KLF8: variants seen among roughly 807,000 people sequenced by gnomAD.
KLF8 encodes KLF transcription factor 8, also known as Krueppel-like factor 8.
In KLF8, 10 loss-of-function variants were observed where a neutral mutation model predicts 18.2. The ratio of observed to expected loss-of-function variants is 0.55; its 90% CI spans 0.34 to 0.93. The LOEUF is 0.93. Among genes scored for constraint, KLF8 ranks in the 40% least tolerant of loss-of-function variants. The pLI, the probability that KLF8 is intolerant of heterozygous loss-of-function variation, is 0.02. For synonymous variants in KLF8, 109 were observed against 97.3 expected, an observed-to-expected ratio of 1.12 and a Z score of -0.71; for missense variants, 264 against 277.9, an observed-to-expected ratio of 0.95 and a Z score of 0.36.
At chrX:55,934,533 G>C in the KLF8 span, among the ~76,000 whole-genome samples, 1 of 112,204 alleles carries the variant, frequency 8.9e-6, no homozygotes, top group Non-Finnish European at 1.9e-5. Flanking sequence ...CTTTGAATCA[G>C]TGAAAGTTAT....
intron 1 of KLF8, among the ~76,000 whole-genome samples, chrX:56,243,638 C>T (rs934615057): frequency 2.9e-5 from 3 of 102,004 alleles, no homozygotes; most frequent in East Asian, 6.1e-4. Flanking sequence ...TCCTGTGAAG[C>T]GATTCTCTTG....
chrX:56,126,469 T>C, the KLF8 span, among the ~76,000 whole-genome samples: 1 of 111,745 alleles, frequency 8.9e-6, no homozygotes, highest in Non-Finnish European at 1.9e-5. Flanking sequence ...AGTGATTTTG[T>C]TTTAACCTAA....
the KLF8 span, among the ~76,000 whole-genome samples, chrX:55,950,303 C>T: frequency 4.9e-4 from 54 of 110,559 alleles, no homozygotes; most frequent in Middle Eastern, 9.2e-3. Context: ...CTGCAGAGAG[C>T]GGGAGATTTC....
At chrX:56,022,918 G>GTA in the KLF8 span, among the ~76,000 whole-genome samples, 27 of 110,762 alleles carry the variant, frequency 2.4e-4, no homozygotes, top group Admixed American at 4.8e-4. Flanking sequence ...AGAAAATTAT[G>GTA]TATATATATA....
At chrX:56,006,567 G>T in the KLF8 span, among the ~76,000 whole-genome samples, 21 of 112,238 alleles carry the variant, frequency 1.9e-4, no homozygotes, top group Admixed American at 1.9e-3. Context: ...CTGTGGTTTT[G>T]ATTTGCAATT....
the KLF8 span, among the ~76,000 whole-genome samples, chrX:56,034,824 C>G: frequency 2.3e-5 from 2 of 85,290 alleles, no homozygotes; most frequent in African/African-American, 9.0e-5. Flanking sequence ...GGCGCGTTCT[C>G]GGCTCACTGC....
At chrX:56,049,774 G>A in the KLF8 span, among the ~76,000 whole-genome samples, 11 of 110,420 alleles carry the variant, frequency 1.0e-4, no homozygotes, top group Non-Finnish European at 1.5e-4. Flanking sequence ...AAATGATGCT[G>A]GCCTCATAAA....
chrX:56,010,934 A>C, the KLF8 span, among the ~76,000 whole-genome samples: 7 of 112,603 alleles, frequency 6.2e-5, no homozygotes, highest in African/African-American at 1.3e-4. Context: ...TATCCTAAAT[A>C]TATGTGTATC....
At chrX:56,107,031 G>A in the KLF8 span, among the ~76,000 whole-genome samples, 4 of 111,875 alleles carry the variant, frequency 3.6e-5, no homozygotes, top group African/African-American at 1.3e-4. Flanking sequence ...GTGCACCTGG[G>A]TATCACCAGT....
At chrX:56,167,827 T>C in the KLF8 span, among the ~76,000 whole-genome samples, 1 of 112,440 alleles carries the variant, frequency 8.9e-6, no homozygotes, top group Non-Finnish European at 1.9e-5. Flanking sequence ...ATGTACTACC[T>C]CTTGATGACC....
chrX:56,196,240 T>C, the KLF8 span, among the ~76,000 whole-genome samples: 2 of 111,106 alleles, frequency 1.8e-5, no homozygotes, highest in Non-Finnish European at 3.8e-5. Flanking sequence ...AATATTAATC[T>C]TAAATGTAAA....
chrX:56,220,541 A>G, the KLF8 span, among the ~76,000 whole-genome samples: 2 of 110,400 alleles, frequency 1.8e-5, no homozygotes, highest in Non-Finnish European at 3.8e-5. Flanking sequence ...GATGGAGTGC[A>G]ATGGCTTTAT....
At chrX:56,269,706 C>T (rs1251637317) in intron 4 of KLF8, among the ~76,000 whole-genome samples, 8 of 112,426 alleles carry the variant, frequency 7.1e-5, no homozygotes, top group African/African-American at 2.6e-4. Context: ...TATGTTCTAA[C>T]TGTAGATCAT....
At chrX:56,265,083 T>C (rs1033565) in intron 2 of KLF8, 97 bp from the exon 3 acceptor site, 6 of 1,022,477 alleles carry the variant, frequency 5.9e-6, no homozygotes, top group African/African-American at 3.9e-5. Flanking sequence ...ATTCCTTCCA[T>C]GTGAAATGAA....
At chrX:56,135,856 A>G in the KLF8 span, among the ~76,000 whole-genome samples, 2 of 111,953 alleles carry the variant, frequency 1.8e-5, no homozygotes, top group Non-Finnish European at 3.8e-5. Context: ...TCTCTTGGAT[A>G]CAGCAGTGTT....
chrX:56,011,319 A>T, the KLF8 span, among the ~76,000 whole-genome samples: 4 of 112,278 alleles, frequency 3.6e-5, no homozygotes, highest in Admixed American at 9.5e-5. Flanking sequence ...TGAGTAATTC[A>T]CTCAAAACCA....
At chrX:56,050,382 C>T in the KLF8 span, among the ~76,000 whole-genome samples, 3 of 112,073 alleles carry the variant, frequency 2.7e-5, no homozygotes, top group Non-Finnish European at 5.6e-5. Context: ...TTAGATCTTT[C>T]CTGCTTTCTC....
At chrX:56,177,265 T>C in the KLF8 span, among the ~76,000 whole-genome samples, 1 of 111,074 alleles carries the variant, frequency 9.0e-6, no homozygotes, top group Non-Finnish European at 1.9e-5. Context: ...GATGGTGACT[T>C]ACAGATGGGG....
chrX:56,241,510 T>A (rs1255230450), intron 1 of KLF8, among the ~76,000 whole-genome samples: 1 of 112,331 alleles, frequency 8.9e-6, no homozygotes, highest in Non-Finnish European at 1.9e-5. Context: ...AGACTCAAGT[T>A]TACCTGATGG....
Sources: allele counts gnomAD v4.1 joint callset (sites outside exome capture counted in the v4.1 genomes callset), GRCh38; gene constraint gnomAD v4.1.1; transcripts MANE v1.5; gene names NCBI Gene and HGNC (gene_info 2026-07-23, HGNC 2026-07-21).